The following RNF150 variants were observed in gnomAD, a reference collection of about 807,000 sequenced individuals.
RNF150 encodes the protein ring finger protein 150.
In RNF150, 24 loss-of-function variants were observed where a neutral mutation model predicts 39.3. That is an observed-to-expected ratio of 0.61 (90% CI 0.44 to 0.86). The LOEUF is 0.86. Ranked by LOEUF, RNF150 falls within the 40% of genes least tolerant of loss-of-function variation. The pLI, the probability that RNF150 is intolerant of heterozygous loss-of-function variation, is 0.00. For synonymous variants in RNF150, 255 were observed against 227.3 expected, an observed-to-expected ratio of 1.12 and a Z score of -1.10; for missense variants, 502 against 587.8, an observed-to-expected ratio of 0.85 and a Z score of 1.51.
intron 5 of RNF150, among the ~76,000 whole-genome samples, chr4:140,921,191 A>T (rs1003487277): frequency 3.3e-5 from 5 of 151,096 alleles, no homozygotes; most frequent in African/African-American, 1.2e-4. Flanking sequence ...AATAATAATA[A>T]TAATAATAAT....
At chr4:141,163,496 G>C (rs569638217) in intron 1 of RNF150, among the ~76,000 whole-genome samples, 2 of 152,214 alleles carry the variant, frequency 1.3e-5, no homozygotes, top group African/African-American at 4.8e-5. Flanking sequence ...TGGGCCCTGT[G>C]CCTCCTGACT....
intron 2 of RNF150, among the ~76,000 whole-genome samples, chr4:140,966,836 T>A (rs1443038339): frequency 6.6e-6 from 1 of 152,168 alleles, no homozygotes; most frequent in Non-Finnish European, 1.5e-5. Context: ...TCCAGGATTT[T>A]ACCTTGTAGA....
At position 141,133,050 on chromosome 4, in the gene RNF150, G is replaced by C. The variant is rs1308371809; in HGVS notation, c.-242C>G. 2.3e-6 allele frequency: 1 copy of C among 435,664 alleles called. No individual in the cohort carries two copies. The allele number at this position is 435,664 out of a possible 1,614,324, so 27.0% of individuals were successfully genotyped here. ...TTGCATTTTGCTTCTTGGGCGCCCG[G>C]GGGGCGCGGGAACAGAGGGCCCGCG... On this transcript the variant is annotated 5_prime_UTR_variant, in exon 1 of 7. Transcript: ENST00000515673.
At chr4:140,968,003 TAAG>T in intron 1 of RNF150, 130 bp from the exon 2 acceptor site, 1 of 744,540 alleles carries the variant, frequency 1.3e-6, no homozygotes, top group Non-Finnish European at 2.2e-6. Context: ...TGTGCTGGGC[TAAG>T]AAGACCTAAT....
At chr4:141,016,360 C>T (rs1433978853) in intron 1 of RNF150, among the ~76,000 whole-genome samples, 1 of 152,174 alleles carries the variant, frequency 6.6e-6, no homozygotes, top group Non-Finnish European at 1.5e-5. Context: ...TTTACCATTG[C>T]CATGGCAACA....
intron 1 of RNF150, among the ~76,000 whole-genome samples, chr4:141,130,298 CAG>C (rs1207922097): frequency 6.6e-6 from 1 of 152,208 alleles, no homozygotes; most frequent in Non-Finnish European, 1.5e-5. Context: ...CTGAAGTGAA[CAG>C]AGTCTCCTAA....
chr4:141,034,518 TAGG>T (rs1736070228), intron 1 of RNF150, among the ~76,000 whole-genome samples: 1 of 152,188 alleles, frequency 6.6e-6, no homozygotes, highest in African/African-American at 2.4e-5. Context: ...CATTCACAAC[TAGG>T]TAAACTGTTT....
At chr4:141,131,794 T>C (rs1726896264) in intron 1 of RNF150, among the ~76,000 whole-genome samples, 1 of 152,146 alleles carries the variant, frequency 6.6e-6, no homozygotes, top group African/African-American at 2.4e-5. Context: ...TGGCAGAGCA[T>C]AGTACTTTTA....
chr4:141,098,815 T>C (rs1738899003), intron 1 of RNF150, among the ~76,000 whole-genome samples: 1 of 152,212 alleles, frequency 6.6e-6, no homozygotes, highest in South Asian at 2.1e-4. Flanking sequence ...GTACAAGGAC[T>C]GGGTTGACTT....
At chr4:141,130,735 C>T (rs1488809320) in intron 1 of RNF150, among the ~76,000 whole-genome samples, 1 of 152,192 alleles carries the variant, frequency 6.6e-6, no homozygotes, top group Non-Finnish European at 1.5e-5. Context: ...CACCCCTCCT[C>T]CACTGAGGTT....
intron 1 of RNF150, among the ~76,000 whole-genome samples, chr4:141,068,232 A>C (rs1737540645): frequency 6.6e-6 from 1 of 152,234 alleles, no homozygotes; most frequent in Non-Finnish European, 1.5e-5. Context: ...GGCATGAGCC[A>C]CCATGTCCAG....
At chr4:141,116,680 C>T (rs1480511172) in intron 1 of RNF150, among the ~76,000 whole-genome samples, 1 of 152,194 alleles carries the variant, frequency 6.6e-6, no homozygotes, top group East Asian at 1.9e-4. Flanking sequence ...ACTATAAAGA[C>T]ACATGCACAC....
chr4:141,132,576 C>T lies in RNF150; in HGVS notation c.233G>A (p.Gly78Glu), dbSNP rs779752710. Residue 78 changes from glycine to glutamate, a missense_variant, in exon 1 of 7, where the codon GGA becomes GAA. Transcript: ENST00000515673. This position sits in a 1 kb window ranked among gnomAD's most constrained non-coding sequence, Gnocchi z 4.9. ...HTEKTECGRY[G>E]EHSPKQDARG... ...GGCGTCCTGCTTGGGCGAGTGCTCT[C>T]CGTAGCGCCCGCACTCCGTCTTCTC... is the stretch of plus-strand genomic sequence containing the variant. 2.0e-5 allele frequency: 32 copies of T among 1,578,346 alleles called. No individual in the cohort carries two copies. Among genetic ancestry groups the T allele is most frequent in the African/African-American group, 2.7e-5 (2 of 74,128 alleles).
At chr4:141,201,533 A>G (rs1728289986) in intron 1 of RNF150, among the ~76,000 whole-genome samples, 1 of 77,574 alleles carries the variant, frequency 1.3e-5, no homozygotes, top group African/African-American at 6.5e-5. Flanking sequence ...AGGGTTTACA[A>G]AGAAATTTTT....
Position 140,861,979 on chromosome 4 carries a change from C to A in RNF150, c.*6282G>T, listed in dbSNP as rs2111161020. Reference sequence around the variant, plus strand: ...TGGTTTCATTCAACCATGCAACCCACCTTCGCTTTTATTTATGAGAACATT... The same window carrying A: ...TGGTTTCATTCAACCATGCAACCCAACTTCGCTTTTATTTATGAGAACATT... On this transcript the variant is annotated 3_prime_UTR_variant, in exon 7 of 7. Coordinates refer to ENST00000515673, the MANE Select transcript of RNF150 (RefSeq NM_020724.2). 1 of 152,268 alleles carries A rather than the reference C, an allele frequency of 6.6e-6. No homozygotes were observed. The highest frequency in any genetic ancestry group is 3.4e-3 in the Middle Eastern group (1 of 294). The allele number at this position is 152,268 out of a possible 1,614,324, so 9.4% of individuals were successfully genotyped here.
intron 1 of RNF150, among the ~76,000 whole-genome samples, chr4:140,972,590 C>T (rs1042871301): frequency 1.3e-5 from 2 of 152,112 alleles, no homozygotes; most frequent in African/African-American, 4.8e-5. Flanking sequence ...AAAGGCTCCC[C>T]TGCAGCTGGG....
chr4:140,917,748 G>A (rs1216770628), intron 5 of RNF150, among the ~76,000 whole-genome samples: 1 of 151,050 alleles, frequency 6.6e-6, no homozygotes, highest in East Asian at 1.9e-4. Flanking sequence ...TTTTTTTTCA[G>A]CACCACACCA....
intron 2 of RNF150, among the ~76,000 whole-genome samples, chr4:140,959,711 A>G (rs1248650956): frequency 6.6e-6 from 1 of 152,156 alleles, no homozygotes; most frequent in Non-Finnish European, 1.5e-5. Flanking sequence ...TTTGCAAATC[A>G]GCCTCCTTGT....
Position 141,207,377 on chromosome 4 carries a change from G to A in RNF150, c.-6+5417C>T, listed in dbSNP as rs966284295. On this transcript the variant is annotated intron_variant, in intron 1 of 7. Coordinates refer to the RNF150 transcript ENST00000420921. ...ATGCAGCAGAAGGAAAAAAATCAGAGGGATGAGAAATGTGGGAAACACTTG... is the reference window on the plus strand; with the variant it reads ...ATGCAGCAGAAGGAAAAAAATCAGAAGGATGAGAAATGTGGGAAACACTTG... 2.6e-5 allele frequency among the ~76,000 whole-genome samples: 4 copies of A among 152,270 alleles called. No individual in the cohort carries two copies. The South Asian group carries it at 6.2e-4, about 24-fold the overall frequency.
Sources: allele counts gnomAD v4.1 joint callset (sites outside exome capture counted in the v4.1 genomes callset), GRCh38; gene constraint gnomAD v4.1.1; non-coding constraint Gnocchi (gnomAD v3.1); transcripts MANE v1.5; gene names NCBI Gene and HGNC (gene_info 2026-07-23, HGNC 2026-07-21).